ADAMTSL1: variants seen among roughly 807,000 people sequenced by gnomAD.
ADAMTSL1 encodes the protein ADAMTS-like protein 1.
In ADAMTSL1, 126 loss-of-function variants were observed where a neutral mutation model predicts 201.8. The observed-to-expected ratio is 0.62, with a 90% CI of 0.54 to 0.72. The LOEUF is 0.72. ADAMTSL1 is among the 30% of genes least tolerant of loss of function. The pLI is 0.00. For synonymous variants in ADAMTSL1, 1,121 were observed against 903.4 expected (o/e 1.24, Z -4.32); for missense variants, 2,679 against 2,277.8 (o/e 1.18, Z -3.59).
chr9:18,392,902 G>T (rs2791446), intron 2 of ADAMTSL1, among the ~76,000 whole-genome samples: 15,580 of 152,158 alleles, frequency 0.1, 1,029 homozygotes, highest in South Asian at 0.23. Context: ...GCCAGTCTTA[G>T]GCTACACATG....
chr9:17,957,598 A>T (rs1701485414), intron 1 of ADAMTSL1, among the ~76,000 whole-genome samples: 1 of 152,176 alleles, frequency 6.6e-6, no homozygotes, highest in African/African-American at 2.4e-5. Flanking sequence ...TTTGTTCCCC[A>T]CTGTAGTGGG....
intron 2 of ADAMTSL1, among the ~76,000 whole-genome samples, chr9:18,213,275 AG>A (rs771507794): frequency 2.0e-5 from 3 of 152,176 alleles, no homozygotes; most frequent in Non-Finnish European, 2.9e-5. Flanking sequence ...TTTTGTATTC[AG>A]GGAAAACATA....
intron 15 of ADAMTSL1, among the ~76,000 whole-genome samples, chr9:18,752,944 T>C (rs1179433006): frequency 1.3e-5 from 2 of 152,220 alleles, no homozygotes; most frequent in African/African-American, 2.4e-5. Context: ...CACAATTCAG[T>C]ATGTGGTGCC....
At chr9:18,292,742 G>A (rs1833323704) in intron 2 of ADAMTSL1, among the ~76,000 whole-genome samples, 1 of 152,162 alleles carries the variant, frequency 6.6e-6, no homozygotes, top group African/African-American at 2.4e-5. Flanking sequence ...GTTTGCCAGG[G>A]TCTCTCAGGT....
chr9:18,173,015 A>G (rs1010721767), intron 2 of ADAMTSL1, among the ~76,000 whole-genome samples: 3 of 152,142 alleles, frequency 2.0e-5, no homozygotes, highest in African/African-American at 7.2e-5. Flanking sequence ...TTGGGATGCT[A>G]TGCATAGTAC....
intron 2 of ADAMTSL1, among the ~76,000 whole-genome samples, chr9:18,405,419 G>A (rs1818149093): frequency 6.6e-6 from 1 of 152,158 alleles, no homozygotes; most frequent in African/African-American, 2.4e-5. Flanking sequence ...GGCAGCAGAT[G>A]GCAGGGGCAC....
intron 15 of ADAMTSL1, among the ~76,000 whole-genome samples, 179 bp downstream of exon 15, chr9:18,721,844 A>G (rs1345345471): frequency 6.6e-6 from 1 of 152,250 alleles, no homozygotes; most frequent in East Asian, 1.9e-4. Flanking sequence ...TTGGAATTCT[A>G]GCCCAGTCAA....
chr9:18,436,166 G>T (rs1819722574), intron 2 of ADAMTSL1, among the ~76,000 whole-genome samples: 1 of 152,144 alleles, frequency 6.6e-6, no homozygotes, highest in Non-Finnish European at 1.5e-5. Flanking sequence ...TCTGAAGGAG[G>T]CTAGGGGGAA....
intron 1 of ADAMTSL1, among the ~76,000 whole-genome samples, chr9:17,925,836 C>T (rs532495807): frequency 7.6e-6 from 1 of 131,788 alleles, no homozygotes; most frequent in African/African-American, 2.6e-5. Context: ...GCACATGTAC[C>T]CTAAAACTTA....
chr9:18,216,258 G>A (rs1030374660), intron 2 of ADAMTSL1, among the ~76,000 whole-genome samples: 7 of 152,166 alleles, frequency 4.6e-5, no homozygotes, highest in Admixed American at 3.9e-4. Flanking sequence ...CTGTGGGTGT[G>A]TACTGTTTTG....
chr9:18,276,633 T>A (rs1832598841), intron 2 of ADAMTSL1, among the ~76,000 whole-genome samples: 1 of 152,224 alleles, frequency 6.6e-6, no homozygotes, highest in Admixed American at 6.5e-5. Flanking sequence ...AGCACCTGCT[T>A]CTGGTGAGGT....
At chr9:18,262,549 T>G (rs1207120829) in intron 2 of ADAMTSL1, among the ~76,000 whole-genome samples, 1 of 152,206 alleles carries the variant, frequency 6.6e-6, no homozygotes, top group African/African-American at 2.4e-5. Context: ...GGTGACAATT[T>G]ATATGATGAA....
At chr9:18,830,053 G>A (rs947168826) in intron 23 of ADAMTSL1, 76 bp downstream of exon 23, 2 of 1,524,326 alleles carry the variant, frequency 1.3e-6, no homozygotes, top group Non-Finnish European at 1.8e-6. Flanking sequence ...CTGTTTGCAG[G>A]TGGGAAGGAG....
intron 21 of ADAMTSL1, among the ~76,000 whole-genome samples, chr9:18,820,479 C>A (rs7037112): frequency 0.14 from 21,706 of 152,120 alleles, 1,925 homozygotes; most frequent in East Asian, 0.45. Context: ...CAAACTCAAC[C>A]ACAGCTGACA....
intron 2 of ADAMTSL1, among the ~76,000 whole-genome samples, chr9:18,167,821 T>G (rs1362871175): frequency 2.0e-5 from 3 of 151,990 alleles, no homozygotes; most frequent in Non-Finnish European, 4.4e-5. Context: ...CTAAACTGGC[T>G]ACTATTTTAG....
chr9:18,697,191 A>T (rs765656719), intron 13 of ADAMTSL1, among the ~76,000 whole-genome samples: 3 of 152,094 alleles, frequency 2.0e-5, no homozygotes, highest in Non-Finnish European at 4.4e-5. Context: ...CAAAAATTTT[A>T]TTTAACTCAC....
At chr9:18,235,031 G>C (rs1038108803) in intron 2 of ADAMTSL1, among the ~76,000 whole-genome samples, 6 of 152,188 alleles carry the variant, frequency 3.9e-5, no homozygotes, top group African/African-American at 7.2e-5. Flanking sequence ...TAAGGAACCA[G>C]TGTTGTTTTA....
rs1412416923 is a variant in ADAMTSL1 at position 18,647,749 on chromosome 9, A to G, written c.834+8338A>G. On this transcript the variant is annotated intron_variant, in intron 7 of 28. Coordinates refer to ENST00000380548, the MANE Select transcript of ADAMTSL1 (RefSeq NM_001040272.6). ...TAGTTTGATTGCACTGTGGTCTGAG[A>G]GACAGTTTGTTATAATTTCTGTTCT... is the stretch of plus-strand genomic sequence containing the variant. Among the ~76,000 whole-genome samples, 18 of 151,806 alleles carry G rather than the reference A, an allele frequency of 1.2e-4. No individual in the cohort carries two copies. The East Asian group carries it at 3.3e-3, about 28-fold the overall frequency.
At chr9:18,489,246 A>G (rs1187030296) in intron 1 of ADAMTSL1, among the ~76,000 whole-genome samples, 1 of 152,170 alleles carries the variant, frequency 6.6e-6, no homozygotes, top group Non-Finnish European at 1.5e-5. Flanking sequence ...ATGCTTTATA[A>G]ACTCCCTTCC....
Sources: allele counts gnomAD v4.1 joint callset (sites outside exome capture counted in the v4.1 genomes callset), GRCh38; gene constraint gnomAD v4.1.1; transcripts MANE v1.5; gene names NCBI Gene and HGNC (gene_info 2026-07-23, HGNC 2026-07-21).